ZNF423: variants seen among roughly 807,000 people sequenced by gnomAD.
ZNF423 encodes the protein Ebf-associated zinc finger protein.
In ZNF423, 12 loss-of-function variants were observed where a neutral mutation model predicts 95.8. That is an observed-to-expected ratio of 0.13 (90% CI 0.08 to 0.20). The LOEUF is 0.20. ZNF423 is among the 10% of genes least tolerant of loss of function. ZNF423 has a pLI of 1.00. For synonymous variants in ZNF423, 749 were observed against 711.9 expected (o/e 1.05, Z -0.83); for missense variants, 1,316 against 1,737.1 (o/e 0.76, Z 4.31).
chr16:49,800,807 C>A (rs998521889), intron 1 of ZNF423, among the ~76,000 whole-genome samples: 13 of 152,286 alleles, frequency 8.5e-5, no homozygotes, highest in African/African-American at 2.9e-4. Context: ...GTCCAGATGC[C>A]AGCCACGGAA....
At chr16:49,542,677 C>A (rs191698522) in intron 5 of ZNF423, among the ~76,000 whole-genome samples, 1 of 152,248 alleles carries the variant, frequency 6.6e-6, no homozygotes, top group Non-Finnish European at 1.5e-5. Flanking sequence ...ACACTCTCAA[C>A]AACCACTTTG....
At chr16:49,622,440 C>T (rs919456265) in intron 5 of ZNF423, among the ~76,000 whole-genome samples, 1 of 152,024 alleles carries the variant, frequency 6.6e-6, no homozygotes, top group African/African-American at 2.4e-5. Context: ...CACCCCCCAT[C>T]CTGCTATAGG....
chr16:49,713,973 G>A (rs927179136), intron 3 of ZNF423, among the ~76,000 whole-genome samples: 11 of 152,116 alleles, frequency 7.2e-5, no homozygotes, highest in South Asian at 2.1e-4. Flanking sequence ...ACTCCATCAC[G>A]CCTCCCACAG....
chr16:49,491,249 G>A lies in ZNF423; in HGVS notation c.*26C>T, dbSNP rs1966947152. 3.1e-6 allele frequency: 5 copies of A among 1,614,046 alleles called. No individual in the cohort carries two copies. The highest frequency in any genetic ancestry group is 4.2e-6 in the Non-Finnish European group (5 of 1,180,008). On this transcript the variant is annotated 3_prime_UTR_variant, in exon 8 of 8. Transcript: ENST00000563137. ...ACGGCGTCTCCGGCAAGCCTTCTGC[G>A]GAGAGGTGTCCTGTTGAGCGATCCC... is the stretch of plus-strand genomic sequence containing the variant.
intron 5 of ZNF423, among the ~76,000 whole-genome samples, chr16:49,559,480 T>C (rs1969948808): frequency 6.6e-6 from 1 of 152,118 alleles, no homozygotes; most frequent in Non-Finnish European, 1.5e-5. Flanking sequence ...TTCCTCCAAC[T>C]CTCTCCTGCT....
intron 2 of ZNF423, among the ~76,000 whole-genome samples, chr16:49,768,421 C>A (rs910640707): frequency 1.3e-5 from 2 of 152,250 alleles, no homozygotes; most frequent in African/African-American, 4.8e-5. Context: ...ACGTCTCCTG[C>A]AACCTGGCCA....
At chr16:49,730,537 G>A (rs952955515) in intron 3 of ZNF423, 5 of 568,592 alleles carry the variant, frequency 8.8e-6, no homozygotes, top group African/African-American at 5.6e-5. Context: ...CTTGCGGGGA[G>A]AGGGGGCCGG....
chr16:49,579,805 T>C (rs924315754), intron 5 of ZNF423, among the ~76,000 whole-genome samples: 6 of 152,148 alleles, frequency 3.9e-5, no homozygotes, highest in African/African-American at 1.4e-4. Context: ...ACCTCTCCCA[T>C]GGGAGGGCAC....
intron 1 of ZNF423, among the ~76,000 whole-genome samples, chr16:49,795,195 C>T (rs971401548): frequency 1.3e-5 from 2 of 152,196 alleles, no homozygotes; most frequent in Admixed American, 1.3e-4. Flanking sequence ...AATAAGCACA[C>T]AGGATGTGTG....
At chr16:49,496,288 T>C (rs1054087165) in intron 7 of ZNF423, among the ~76,000 whole-genome samples, 6 of 152,246 alleles carry the variant, frequency 3.9e-5, no homozygotes, top group Admixed American at 1.3e-4. Context: ...GTTTGGATGT[T>C]TGTCCCCTCC....
At chr16:49,677,287 A>AAGG (rs1158583195) in intron 3 of ZNF423, among the ~76,000 whole-genome samples, 23 of 82,388 alleles carry the variant, frequency 2.8e-4, no homozygotes, top group Middle Eastern at 5.9e-3. Flanking sequence ...AGAAGAGAAG[A>AAGG]GAAGAGAAGA....
At chr16:49,752,455 A>G (rs1214100744) in intron 2 of ZNF423, among the ~76,000 whole-genome samples, 1 of 152,142 alleles carries the variant, frequency 6.6e-6, no homozygotes, top group Admixed American at 6.5e-5. Flanking sequence ...CTTTCTGACC[A>G]TAGCAACATC....
At chr16:49,727,514 A>G (rs773341262) in intron 3 of ZNF423, among the ~76,000 whole-genome samples, 11 of 151,614 alleles carry the variant, frequency 7.3e-5, no homozygotes, top group Admixed American at 2.6e-4. Context: ...CTGCCATAGA[A>G]AGATACAGAA....
intron 5 of ZNF423, among the ~76,000 whole-genome samples, chr16:49,566,114 T>C (rs925636590): frequency 6.6e-6 from 1 of 152,122 alleles, no homozygotes. Flanking sequence ...AGAGGAGAAG[T>C]TGACTCCTTA....
intron 2 of ZNF423, among the ~76,000 whole-genome samples, chr16:49,774,475 G>A (rs1403161773): frequency 2.0e-5 from 3 of 152,140 alleles, no homozygotes; most frequent in Admixed American, 6.5e-5. Context: ...ACAGAACAAC[G>A]TTCCTACACA....
chr16:49,638,805 G>A lies in ZNF423; in HGVS notation c.371C>T (p.Thr124Met), dbSNP rs376833288. Residue 124 changes from threonine to methionine, a missense_variant, in exon 4 of 8, where the codon ACG becomes ATG. By Grantham distance (81) the Thr-to-Met change is moderately conservative. Transcript: ENST00000563137. The surrounding 1 kb of genome is among the most constrained non-coding windows in gnomAD (Gnocchi z 5.6). Reference sequence around the variant, plus strand: ...GTCACAACCATCTCCGATCATCTGCGTGGGTGACGCAACATCCTTGCTGGA... The same window carrying A: ...GTCACAACCATCTCCGATCATCTGCATGGGTGACGCAACATCCTTGCTGGA... ...SPSSKDVASPTQMIGDGCDLG... is the reference protein window; with the variant it reads ...SPSSKDVASPMQMIGDGCDLG... 2.4e-5 allele frequency: 38 copies of A among 1,614,084 alleles called. No homozygotes were observed. Among genetic ancestry groups the A allele is most frequent in the Middle Eastern group, 3.3e-4 (2 of 6,062 alleles).
chr16:49,616,153 T>C (rs1971867198), intron 5 of ZNF423, among the ~76,000 whole-genome samples: 1 of 152,074 alleles, frequency 6.6e-6, no homozygotes, highest in African/African-American at 2.4e-5. Context: ...TGGCACACAG[T>C]AGGTATTCAA....
chr16:49,688,636 G>C (rs868721803), intron 3 of ZNF423, among the ~76,000 whole-genome samples: 41 of 152,344 alleles, frequency 2.7e-4, no homozygotes, highest in Middle Eastern at 6.8e-3. Flanking sequence ...CAAATGTCTA[G>C]TGACTTAAAT....
chr16:49,834,052 C>T (rs143663236), intron 1 of ZNF423, among the ~76,000 whole-genome samples: 1 of 152,316 alleles, frequency 6.6e-6, no homozygotes, highest in Non-Finnish European at 1.5e-5. Flanking sequence ...CCGAGCAGGA[C>T]AGAGTGAAGA....
Sources: gnomAD v4.1 joint callset for allele counts (sites outside exome capture counted in the v4.1 genomes callset) on GRCh38, gnomAD v4.1.1 for gene constraint, Gnocchi (gnomAD v3.1) non-coding constraint, MANE v1.5 for transcripts, NCBI Gene and HGNC (gene_info 2026-07-23, HGNC 2026-07-21) for gene names.